The following MDGA2 variants were observed in gnomAD, a reference collection of about 807,000 sequenced individuals.
The protein encoded by MDGA2 is MAM domain containing glycosylphosphatidylinositol anchor 2.
Under a neutral mutation model 117.8 loss-of-function variants are expected in MDGA2, and 40 were observed. The observed-to-expected ratio is 0.34, with a 90% CI of 0.26 to 0.44. MDGA2 has a LOEUF of 0.44. Among genes scored for constraint, MDGA2 ranks in the 20% least tolerant of loss-of-function variants. The pLI is 1.00. For synonymous variants in MDGA2, 452 were observed against 439.0 expected (o/e 1.03, Z -0.37); for missense variants, 1,123 against 1,250.6 (o/e 0.90, Z 1.54).
chr14:47,421,724 A>G (rs759401397), intron 1 of MDGA2, among the ~76,000 whole-genome samples: 77 of 152,274 alleles, frequency 5.1e-4, no homozygotes, highest in Admixed American at 1.2e-3. Context: ...GAAACCTCTC[A>G]TGAAGACTAA....
At chr14:47,454,920 G>T (rs1893317638) in intron 1 of MDGA2, among the ~76,000 whole-genome samples, 2 of 152,182 alleles carry the variant, frequency 1.3e-5, no homozygotes. Context: ...GGACTGTTGG[G>T]AAGATAGCAC....
In MDGA2 at chr14:47,173,167, G is replaced by A. The variant is rs1217732618; in HGVS notation, c.596-28893C>T. Among the ~76,000 whole-genome samples the A allele has an allele frequency of 3.9e-5, 6 of 152,186 alleles. No homozygotes were observed. In the East Asian group the frequency reaches 5.8e-4, roughly 15 times the overall value. On this transcript the variant is annotated intron_variant, in intron 3 of 16. Coordinates refer to ENST00000399232, the MANE Select transcript of MDGA2 (RefSeq NM_001113498.3). Reference sequence around the variant, plus strand: ...GACTATACGAAAAGACCAAATCTACGTCTGATTGGTGTACGTGAAAGTGAC... The same window carrying A: ...GACTATACGAAAAGACCAAATCTACATCTGATTGGTGTACGTGAAAGTGAC...
chr14:47,618,782 C>T (rs779597369), intron 1 of MDGA2, among the ~76,000 whole-genome samples: 2 of 152,078 alleles, frequency 1.3e-5, no homozygotes, highest in South Asian at 2.1e-4. Flanking sequence ...GCCATGATGA[C>T]GCAAAATAAC....
chr14:47,504,244 A>G (rs1248266335), intron 1 of MDGA2, among the ~76,000 whole-genome samples: 1 of 152,236 alleles, frequency 6.6e-6, no homozygotes, highest in East Asian at 1.9e-4. Context: ...TTTTTAAACC[A>G]TAATTATTCT....
intron 14 of MDGA2, among the ~76,000 whole-genome samples, chr14:46,868,913 CAT>C (rs1436839979): frequency 4.6e-5 from 7 of 151,984 alleles, no homozygotes; most frequent in Non-Finnish European, 1.0e-4. Context: ...TATCAGAAGC[CAT>C]GTTACTATTA....
chr14:47,250,097 G>C (rs146072919), intron 2 of MDGA2, among the ~76,000 whole-genome samples: 3 of 152,338 alleles, frequency 2.0e-5, no homozygotes, highest in African/African-American at 7.2e-5. Context: ...TTAATTCATT[G>C]TATCTGTAGT....
At chr14:47,097,169 C>A in intron 5 of MDGA2, 46 bp from the exon 6 acceptor site, 1 of 1,583,190 alleles carries the variant, frequency 6.3e-7, no homozygotes, top group South Asian at 1.1e-5. Flanking sequence ...AGATATGCTA[C>A]AACTAGAATT....
chr14:47,431,899 A>G (rs1333023673), intron 1 of MDGA2, among the ~76,000 whole-genome samples: 1 of 152,062 alleles, frequency 6.6e-6, no homozygotes, highest in African/African-American at 2.4e-5. Context: ...GCTTTCCACG[A>G]CATATTTGAC....
At chr14:47,298,824 A>G (rs1421800578) in intron 2 of MDGA2, among the ~76,000 whole-genome samples, 1 of 151,460 alleles carries the variant, frequency 6.6e-6, no homozygotes, top group Non-Finnish European at 1.5e-5. Context: ...AGCTGGGACT[A>G]CAGGCACCCG....
intron 9 of MDGA2, among the ~76,000 whole-genome samples, chr14:46,923,042 C>T (rs1426681131): frequency 6.6e-6 from 1 of 152,176 alleles, no homozygotes; most frequent in African/African-American, 2.4e-5. Flanking sequence ...TAAATGAACA[C>T]TTTTGAAGTT....
At chr14:47,380,204 C>A (rs571614248) in intron 1 of MDGA2, among the ~76,000 whole-genome samples, 1 of 152,036 alleles carries the variant, frequency 6.6e-6, no homozygotes, top group Non-Finnish European at 1.5e-5. Context: ...GAGAACCTCT[C>A]GGACACATTT....
chr14:47,333,174 G>GA (rs968261234), intron 1 of MDGA2, among the ~76,000 whole-genome samples: 2 of 151,886 alleles, frequency 1.3e-5, no homozygotes, highest in Admixed American at 1.3e-4. Context: ...GGGATTGCTA[G>GA]ATTAAATGGT....
chr14:47,364,742 T>C (rs548515225), intron 1 of MDGA2, among the ~76,000 whole-genome samples: 1 of 152,316 alleles, frequency 6.6e-6, no homozygotes, highest in South Asian at 2.1e-4. Flanking sequence ...CAAATACAGA[T>C]AGTTAAAAGT....
intron 2 of MDGA2, among the ~76,000 whole-genome samples, chr14:47,263,281 T>C (rs1427723479): frequency 2.6e-5 from 4 of 152,100 alleles, no homozygotes; most frequent in African/African-American, 9.7e-5. Context: ...ATTCAAATTA[T>C]AAATTGTTAT....
chr14:47,177,741 G>A (rs554824698), intron 3 of MDGA2, among the ~76,000 whole-genome samples: 3 of 152,046 alleles, frequency 2.0e-5, no homozygotes, highest in South Asian at 2.1e-4. Context: ...CATGGCACAC[G>A]TATACATATG....
Position 46,882,217 on chromosome 14 carries a change from C to G in MDGA2, c.2243G>C (p.Gly748Ala). 1.2e-6 allele frequency: 2 copies of G among 1,606,632 alleles called. No individual in the cohort carries two copies. Among genetic ancestry groups the G allele is most frequent in the South Asian group, 2.2e-5 (2 of 89,636 alleles). Residue 748 changes from glycine (G) to alanine (A), a missense_variant, in exon 11 of 17, where the codon GGA (glycine) becomes GCA (alanine). Gly to Ala is a moderately conservative substitution (Grantham distance 60, BLOSUM62 0). This residue lies in a region of MDGA2 where 890 missense variants were observed against 1,050.3 expected (regional missense o/e 0.85). Coordinates refer to ENST00000399232, the MANE Select transcript of MDGA2 (RefSeq NM_001113498.3). ...CTCCTGCTCCCACCAGCGCTGCTGTCCAGCCTGAAATCAAAACAATAATAG... is the reference window on the plus strand; with the variant it reads ...CTCCTGCTCCCACCAGCGCTGCTGTGCAGCCTGAAATCAAAACAATAATAG... Reference protein sequence around the residue: ...VAYRLGIRQAGQQRWWEQEIK... With the variant: ...VAYRLGIRQAAQQRWWEQEIK...
rs1055272006 is a variant in MDGA2, at chr14:47,053,064, C to T, written c.1525+8185G>A. Among the ~76,000 whole-genome samples, 18 of 152,022 alleles carry T rather than the reference C, an allele frequency of 1.2e-4. No individual in the cohort carries two copies. The East Asian group carries it at 3.1e-3, about 26-fold the overall frequency. On this transcript the variant is annotated intron_variant, in intron 7 of 16. Coordinates refer to ENST00000399232, the MANE Select transcript of MDGA2 (RefSeq NM_001113498.3). ...ACAATCATTCACATTTATTTTCATG[C>T]CGGTGAAGAAGTACTGAAGGCTGTG...
intron 3 of MDGA2, among the ~76,000 whole-genome samples, chr14:47,151,399 A>G (rs1883158926): frequency 6.6e-6 from 1 of 152,232 alleles, no homozygotes; most frequent in South Asian, 2.1e-4. Context: ...TCCAGGAAGA[A>G]AAAGCACCTG....
At chr14:47,652,205 T>A (rs1897658632) in intron 1 of MDGA2, among the ~76,000 whole-genome samples, 3 of 152,222 alleles carry the variant, frequency 2.0e-5, no homozygotes. Flanking sequence ...AATATAATTA[T>A]CTGCTAGAAA....
Sources: gnomAD v4.1 joint callset for allele counts (sites outside exome capture counted in the v4.1 genomes callset) on GRCh38, gnomAD v4.1.1 for gene constraint, gnomAD v4.1.1 regional missense constraint, MANE v1.5 for transcripts, NCBI Gene and HGNC (gene_info 2026-07-23, HGNC 2026-07-21) for gene names.